The following GPC5 variants were observed in gnomAD, a reference collection of about 807,000 sequenced individuals.
GPC5 encodes the protein glypican 5.
GPC5 carries 47 observed loss-of-function variants against 53.9 expected under a neutral mutation model. The observed-to-expected ratio is 0.87, with a 90% CI of 0.69 to 1.11. The LOEUF is 1.11. GPC5 is among the 50% of genes most tolerant of loss of function. The pLI is 0.00. For missense variants in GPC5, 748 were observed against 713.1 expected (o/e 1.05, Z -0.56); for synonymous variants, 286 against 263.3 (o/e 1.09, Z -0.84).
At chr13:92,763,813 A>G (rs1875287822) in intron 7 of GPC5, among the ~76,000 whole-genome samples, 1 of 152,108 alleles carries the variant, frequency 6.6e-6, no homozygotes, top group Non-Finnish European at 1.5e-5. Flanking sequence ...CACTGGCCCA[A>G]CTCTAAGGAG....
At chr13:92,417,071 C>T (rs1209006527) in intron 7 of GPC5, among the ~76,000 whole-genome samples, 5 of 152,192 alleles carry the variant, frequency 3.3e-5, no homozygotes, top group African/African-American at 9.6e-5. Context: ...GTGTAAGTCA[C>T]GCCGTTGTAA....
intron 7 of GPC5, among the ~76,000 whole-genome samples, chr13:92,741,548 G>A (rs1447499553): frequency 1.3e-5 from 2 of 151,842 alleles, no homozygotes; most frequent in African/African-American, 2.4e-5. Flanking sequence ...CATTAATAAT[G>A]GAAGGCAACT....
intron 7 of GPC5, among the ~76,000 whole-genome samples, chr13:92,807,892 C>G (rs1479200548): frequency 6.6e-6 from 1 of 151,926 alleles, no homozygotes; most frequent in East Asian, 1.9e-4. Flanking sequence ...ATAAATATGC[C>G]AGGTATGAAA....
At chr13:92,372,464 A>G (rs1169039242) in intron 7 of GPC5, among the ~76,000 whole-genome samples, 2 of 152,188 alleles carry the variant, frequency 1.3e-5, no homozygotes, top group African/African-American at 2.4e-5. Flanking sequence ...TACTCTTTTT[A>G]TGATATCAGT....
intron 5 of GPC5, among the ~76,000 whole-genome samples, chr13:91,863,988 T>A (rs1045641658): frequency 6.6e-6 from 1 of 152,228 alleles, no homozygotes; most frequent in Non-Finnish European, 1.5e-5. Flanking sequence ...ATTATTTACA[T>A]GTGCACTGAT....
At chr13:92,297,882 C>G (rs1046146968) in intron 7 of GPC5, among the ~76,000 whole-genome samples, 1 of 152,030 alleles carries the variant, frequency 6.6e-6, no homozygotes. Flanking sequence ...TAACACTCAC[C>G]GCGAAGATCT....
intron 1 of GPC5, among the ~76,000 whole-genome samples, chr13:91,444,476 A>C (rs1880647423): frequency 6.6e-6 from 1 of 152,084 alleles, no homozygotes; most frequent in African/African-American, 2.4e-5. Context: ...ATTTTATATG[A>C]AGTTAGTGTT....
At chr13:92,499,341 A>C (rs1208406776) in intron 7 of GPC5, among the ~76,000 whole-genome samples, 1 of 152,188 alleles carries the variant, frequency 6.6e-6, no homozygotes, top group Admixed American at 6.5e-5. Context: ...GTTTGTACTG[A>C]TGAATGATCT....
chr13:92,320,680 C>A (rs1164141126), intron 7 of GPC5, among the ~76,000 whole-genome samples: 2 of 152,136 alleles, frequency 1.3e-5, no homozygotes, highest in Non-Finnish European at 2.9e-5. Flanking sequence ...TCTTTCTAAT[C>A]AAAGCGGCAA....
intron 7 of GPC5, among the ~76,000 whole-genome samples, chr13:92,822,684 T>G (rs940321127): frequency 6.6e-6 from 1 of 152,006 alleles, no homozygotes; most frequent in Non-Finnish European, 1.5e-5. Flanking sequence ...CCCAAGGCAA[T>G]AGCATCACGT....
chr13:91,705,919 C>T (rs1373870966), intron 3 of GPC5, among the ~76,000 whole-genome samples: 5 of 121,238 alleles, frequency 4.1e-5, no homozygotes, highest in East Asian at 4.8e-4. Context: ...TTGTTCTTGT[C>T]GCCCAGGTTG....
chr13:92,130,478 T>C (rs1293742139), intron 6 of GPC5, among the ~76,000 whole-genome samples: 5 of 152,020 alleles, frequency 3.3e-5, no homozygotes, highest in Non-Finnish European at 7.4e-5. Flanking sequence ...GTGGATTAGC[T>C]GGTGAATTCT....
chr13:92,355,288 C>T (rs1474680671), intron 7 of GPC5, among the ~76,000 whole-genome samples: 1 of 149,128 alleles, frequency 6.7e-6, no homozygotes. Flanking sequence ...TTATATAAAG[C>T]TAAAAAAAAA....
intron 6 of GPC5, among the ~76,000 whole-genome samples, chr13:92,108,803 C>G (rs1008448053): frequency 2.6e-5 from 4 of 152,112 alleles, no homozygotes; most frequent in Admixed American, 2.0e-4. Flanking sequence ...TTAATAGCAT[C>G]ATACTTGTCA....
intron 7 of GPC5, among the ~76,000 whole-genome samples, chr13:92,783,126 T>A (rs1876092106): frequency 6.6e-6 from 1 of 152,234 alleles, no homozygotes; most frequent in Non-Finnish European, 1.5e-5. Flanking sequence ...ATATCACTCT[T>A]GTCTTCCTTC....
intron 7 of GPC5, among the ~76,000 whole-genome samples, chr13:92,661,802 G>A (rs573503383): frequency 7.9e-5 from 12 of 152,210 alleles, no homozygotes; most frequent in South Asian, 6.2e-4. Context: ...AGCTTAAATC[G>A]TCATTAGAGT....
rs79203440 is a variant in GPC5 at position 92,500,746 on chromosome 13, G to A, written c.1561+355757G>A. Among the ~76,000 whole-genome samples the A allele has an allele frequency of 9.3e-3, 1,415 of 152,290 alleles. 25 individuals are homozygous for A. Among genetic ancestry groups the A allele is most frequent in the African/African-American group, 0.032 (1,321 of 41,560 alleles). On this transcript the variant is annotated intron_variant, in intron 7 of 7. Transcript: ENST00000377067. ...ATTTAAGTAGCTGTGGCCTCAAGAG[G>A]ATGAGGCAAACTCACATTGTTTTTA...
intron 2 of GPC5, among the ~76,000 whole-genome samples, chr13:91,663,662 C>T (rs1157440453): frequency 6.6e-6 from 1 of 151,944 alleles, no homozygotes; most frequent in African/African-American, 2.4e-5. Context: ...CTGGGTCTCA[C>T]TATGTTGCCA....
chr13:91,444,780 G>T (rs1476881984), intron 1 of GPC5, among the ~76,000 whole-genome samples: 1 of 152,096 alleles, frequency 6.6e-6, no homozygotes, highest in East Asian at 1.9e-4. Context: ...GACTGCTCTT[G>T]TTCCTTCTTT....
Sources: allele counts gnomAD v4.1 joint callset (sites outside exome capture counted in the v4.1 genomes callset), GRCh38; gene constraint gnomAD v4.1.1; transcripts MANE v1.5; gene names NCBI Gene and HGNC (gene_info 2026-07-23, HGNC 2026-07-21).